The following SEMA3C variants were observed in gnomAD, a reference collection of about 807,000 sequenced individuals.
SEMA3C encodes semaphorin-3C.
Under a neutral mutation model 89.4 loss-of-function variants are expected in SEMA3C, and 47 were observed. That is an observed-to-expected ratio of 0.53 (90% CI 0.42 to 0.67). SEMA3C has a LOEUF of 0.67. Among genes scored for constraint, SEMA3C ranks in the 30% least tolerant of loss-of-function variants. The probability of loss-of-function intolerance (pLI) is 0.00; values close to 1 mark genes in which losing one functional copy is unlikely to be tolerated. For missense variants in SEMA3C, 839 were observed against 929.1 expected (o/e 0.90, Z 1.26); for synonymous variants, 310 against 320.2 (o/e 0.97, Z 0.34).
chr7:80,891,530 A>G (rs1356744710), intron 2 of SEMA3C, among the ~76,000 whole-genome samples: 2 of 152,134 alleles, frequency 1.3e-5, no homozygotes, highest in African/African-American at 2.4e-5. Context: ...GGTAACAAAA[A>G]AAAAAGTAAG....
At chr7:80,814,322 T>A (rs912725033) in intron 5 of SEMA3C, among the ~76,000 whole-genome samples, 1 of 152,062 alleles carries the variant, frequency 6.6e-6, no homozygotes, top group African/African-American at 2.4e-5. Context: ...TCTCCTGACG[T>A]CATGATCTGC....
intron 2 of SEMA3C, among the ~76,000 whole-genome samples, chr7:80,845,086 T>C (rs1394916893): frequency 6.6e-6 from 1 of 152,152 alleles, no homozygotes; most frequent in African/African-American, 2.4e-5. Flanking sequence ...CCAACCCTGT[T>C]GATACGACCT....
At chr7:80,781,848 A>T (rs575893364) in intron 12 of SEMA3C, among the ~76,000 whole-genome samples, 1 of 152,340 alleles carries the variant, frequency 6.6e-6, no homozygotes, top group Non-Finnish European at 1.5e-5. Flanking sequence ...TTTTCAAGTC[A>T]TCTAGAGAAA....
chr7:80,885,448 T>G (rs563744426), intron 2 of SEMA3C, among the ~76,000 whole-genome samples: 11 of 152,116 alleles, frequency 7.2e-5, no homozygotes, highest in African/African-American at 2.4e-4. Context: ...AAACCCCATC[T>G]CTACAAAGAA....
intron 16 of SEMA3C, 137 bp downstream of exon 16, chr7:80,751,128 CTATA>C: frequency 1.6e-6 from 1 of 641,064 alleles, no homozygotes; most frequent in Admixed American, 2.8e-5. Context: ...TTTAATTACC[CTATA>C]TAAATACCCA....
chr7:80,772,116 G>T (rs557182027), intron 12 of SEMA3C, among the ~76,000 whole-genome samples: 1 of 152,252 alleles, frequency 6.6e-6, no homozygotes, highest in South Asian at 2.1e-4. Flanking sequence ...CTTGGCAAAT[G>T]AATGCTTAAT....
intron 6 of SEMA3C, among the ~76,000 whole-genome samples, chr7:80,806,959 C>T (rs970410360): frequency 6.6e-6 from 1 of 152,064 alleles, no homozygotes; most frequent in African/African-American, 2.4e-5. Flanking sequence ...TGGACCCCTA[C>T]CAGTTAGCAA....
At chr7:80,861,461 G>T (rs1790769333) in intron 2 of SEMA3C, among the ~76,000 whole-genome samples, 1 of 152,056 alleles carries the variant, frequency 6.6e-6, no homozygotes. Context: ...AATTTTAGAA[G>T]TTACTTCATT....
chr7:80,744,624 G>A lies in SEMA3C; in HGVS notation c.*270C>T, dbSNP rs1019848435. 1.1e-5 allele frequency: 5 copies of A among 435,130 alleles called. No homozygotes were observed. Among genetic ancestry groups the A allele is most frequent in the African/African-American group, 4.0e-5 (2 of 49,518 alleles). 27.0% of individuals were successfully genotyped at this position (435,130 alleles called of 1,614,324 possible). ...ATTCTAGTTTTGCAGCCACCATATC[G>A]ATTTTGAAGAAAAGGTGAATAAAGA... On this transcript the variant is annotated 3_prime_UTR_variant, in exon 18 of 18. Transcript: ENST00000265361.
chr7:80,898,586 A>G (rs1791796862), intron 2 of SEMA3C, among the ~76,000 whole-genome samples: 1 of 152,110 alleles, frequency 6.6e-6, no homozygotes, highest in East Asian at 1.9e-4. Flanking sequence ...GTATAGGCAG[A>G]ACCAAATCAC....
chr7:80,875,240 TGTC>T (rs1437805121), intron 2 of SEMA3C, among the ~76,000 whole-genome samples: 7 of 152,178 alleles, frequency 4.6e-5, no homozygotes, highest in Admixed American at 6.5e-5. Flanking sequence ...CTTAGATGCT[TGTC>T]CCTGCATACA....
At chr7:80,773,760 A>C (rs1788485732) in intron 12 of SEMA3C, among the ~76,000 whole-genome samples, 1 of 152,190 alleles carries the variant, frequency 6.6e-6, no homozygotes, top group Admixed American at 6.5e-5. Context: ...GTGTCCAGAA[A>C]GTGGGTTTCA....
chr7:80,878,117 C>T (rs748633864), intron 2 of SEMA3C, among the ~76,000 whole-genome samples: 1 of 152,192 alleles, frequency 6.6e-6, no homozygotes, highest in Admixed American at 6.5e-5. Context: ...GTGGCTCACA[C>T]CTGTAATCCC....
chr7:80,848,799 T>G (rs1345712002), intron 2 of SEMA3C, among the ~76,000 whole-genome samples: 2 of 152,222 alleles, frequency 1.3e-5, no homozygotes, highest in Non-Finnish European at 2.9e-5. Context: ...TTATGCAAAC[T>G]ATGTATTTTA....
intron 5 of SEMA3C, among the ~76,000 whole-genome samples, chr7:80,817,748 T>C (rs993037770): frequency 1.3e-5 from 2 of 152,206 alleles, no homozygotes; most frequent in African/African-American, 4.8e-5. Context: ...GATAAAAGTA[T>C]GATTTGTTAA....
intron 2 of SEMA3C, among the ~76,000 whole-genome samples, chr7:80,905,162 C>A (rs1791975687): frequency 6.8e-6 from 1 of 147,962 alleles, no homozygotes; most frequent in African/African-American, 2.5e-5. Flanking sequence ...TGCTGCAACC[C>A]TCAATTATGG....
chr7:80,793,457 G>A (rs566517239), intron 11 of SEMA3C: 1 of 450,100 alleles, frequency 2.2e-6, no homozygotes, highest in Non-Finnish European at 4.4e-6. Flanking sequence ...GGGGACACAA[G>A]AATAAAAAAT....
chr7:80,916,748 C>G lies in SEMA3C; in HGVS notation c.34G>C (p.Val12Leu), dbSNP rs1792285759. The change falls in exon 2 of 18, where the codon GTA (valine) becomes CTA (leucine). Residue 12 changes from valine to leucine, a missense_variant. By Grantham distance (32) the Val-to-Leu change is conservative. Coordinates refer to ENST00000265361, the MANE Select transcript of SEMA3C (RefSeq NM_006379.5). ...AFRTICVLVG[V>L]FICSICVKGS... is the part of the protein sequence containing the mutation. ...TTCACACAGATAGAACAAATAAATA[C>G]TCCAACCAACACGCAAATTGTCCGG... 1.9e-6 allele frequency: 3 copies of G among 1,613,434 alleles called. 1 individual carries two copies. Among genetic ancestry groups the G allele is most frequent in the African/African-American group, 1.3e-5 (1 of 74,896 alleles).
chr7:80,884,621 C>T (rs905863326), intron 2 of SEMA3C, among the ~76,000 whole-genome samples: 8 of 152,236 alleles, frequency 5.3e-5, no homozygotes, highest in Admixed American at 1.3e-4. Context: ...AGTGTTGATG[C>T]GAGAATGTAA....
Sources: allele counts gnomAD v4.1 joint callset (sites outside exome capture counted in the v4.1 genomes callset), GRCh38; gene constraint gnomAD v4.1.1; transcripts MANE v1.5; gene names NCBI Gene and HGNC (gene_info 2026-07-23, HGNC 2026-07-21).